PRKX: variants seen among roughly 807,000 people sequenced by gnomAD.
PRKX encodes cAMP-dependent protein kinase catalytic subunit PRKX.
Under a neutral mutation model 22.0 loss-of-function variants are expected in PRKX, and 12 were observed. The observed-to-expected ratio is 0.54, with a 90% CI of 0.35 to 0.88. The LOEUF is 0.88. PRKX is among the 40% of genes least tolerant of loss of function. The probability of loss-of-function intolerance (pLI) is 0.01; values close to 1 mark genes in which losing one functional copy is unlikely to be tolerated. For synonymous variants in PRKX, 134 were observed against 137.7 expected, an observed-to-expected ratio of 0.97 and a Z score of 0.19; for missense variants, 217 against 308.0, an observed-to-expected ratio of 0.70 and a Z score of 2.21.
At chrX:3,698,220 G>A (rs1302521338) in intron 1 of PRKX, among the ~76,000 whole-genome samples, 2 of 111,998 alleles carry the variant, frequency 1.8e-5, no homozygotes, top group Non-Finnish European at 3.8e-5. Flanking sequence ...GTACAACTAC[G>A]GATCTTGTAG....
chrX:3,608,034 A>G lies in PRKX; in HGVS notation c.*935T>C, dbSNP rs1926218724. ...GTAGCTGAGACTACACTCACGTGCC[A>G]CCATGCCCGGCTAATTTTTTTGTAT... is the stretch of plus-strand genomic sequence containing the variant. On this transcript the variant is annotated 3_prime_UTR_variant, in exon 9 of 9. Transcript: ENST00000262848. The G allele has an allele frequency of 9.3e-6, 1 of 108,010 alleles. No individual in the cohort carries two copies. Among genetic ancestry groups the G allele is most frequent in the African/African-American group, 3.4e-5 (1 of 29,511 alleles). The allele number at this position is 108,010 out of a possible 1,213,427, so 8.9% of individuals were successfully genotyped here.
At chrX:3,702,058 C>T (rs958752638) in intron 1 of PRKX, among the ~76,000 whole-genome samples, 1 of 111,948 alleles carries the variant, frequency 8.9e-6, no homozygotes, top group African/African-American at 3.3e-5. Flanking sequence ...TATGGATTTG[C>T]CTTGAATTTT....
chrX:3,655,122 T>C (rs759458952), intron 3 of PRKX, 27 bp downstream of exon 3: 1 of 1,209,779 alleles, frequency 8.3e-7, no homozygotes, highest in Non-Finnish European at 1.1e-6. Flanking sequence ...GCAGTGTAGA[T>C]TCCATCGGAG....
chrX:3,646,435 A>G (rs1258692672), intron 3 of PRKX, among the ~76,000 whole-genome samples: 1 of 111,744 alleles, frequency 8.9e-6, no homozygotes, highest in Non-Finnish European at 1.9e-5. Context: ...TGAGCATGTC[A>G]CTCAGCTAAC....
At chrX:3,656,384 A>G (rs148073395) in intron 2 of PRKX, among the ~76,000 whole-genome samples, 12,890 of 111,394 alleles carry the variant, frequency 0.12, 605 homozygotes, top group Non-Finnish European at 0.15. Context: ...AGATGTTAGA[A>G]TATGAACGTA....
At chrX:3,636,376 G>A (rs970350346) in intron 4 of PRKX, among the ~76,000 whole-genome samples, 1 of 112,870 alleles carries the variant, frequency 8.9e-6, no homozygotes, top group African/African-American at 3.2e-5. Context: ...GGTGAGGAGA[G>A]CAGCTTGGGA....
intron 1 of PRKX, among the ~76,000 whole-genome samples, chrX:3,677,998 T>C (rs1340054299): frequency 3.6e-5 from 4 of 111,926 alleles, no homozygotes; most frequent in South Asian, 3.8e-4. Context: ...GTGGACAAAA[T>C]TAGGTGGAAT....
chrX:3,633,703 C>T (rs867149968), intron 4 of PRKX, among the ~76,000 whole-genome samples: 13 of 111,583 alleles, frequency 1.2e-4, no homozygotes, highest in African/African-American at 2.9e-4. Context: ...ATACCCTGGG[C>T]GCTGTGAGCT....
intron 1 of PRKX, among the ~76,000 whole-genome samples, chrX:3,687,890 G>A (rs1928209475): frequency 8.9e-6 from 1 of 112,036 alleles, no homozygotes; most frequent in African/African-American, 3.2e-5. Flanking sequence ...GACACTCCAA[G>A]AGAGGTGGCT....
At chrX:3,629,845 G>A (rs182920297) in intron 4 of PRKX, among the ~76,000 whole-genome samples, 3 of 111,378 alleles carry the variant, frequency 2.7e-5, no homozygotes, top group African/African-American at 9.8e-5. Flanking sequence ...ATAGGGATGC[G>A]GTCTCACTAT....
At chrX:3,660,103 T>A (rs1002098079) in intron 2 of PRKX, among the ~76,000 whole-genome samples, 2 of 112,315 alleles carry the variant, frequency 1.8e-5, no homozygotes, top group African/African-American at 6.5e-5. Context: ...CTCAAATGCA[T>A]GACAGTCAAA....
intron 1 of PRKX, among the ~76,000 whole-genome samples, chrX:3,706,518 CTCTG>C: frequency 9.0e-6 from 1 of 111,498 alleles, no homozygotes; most frequent in South Asian, 3.8e-4. Flanking sequence ...GAGACAAGGT[CTCTG>C]TCACCCAGGC....
intron 8 of PRKX, among the ~76,000 whole-genome samples, 187 bp downstream of exon 8, chrX:3,611,990 T>G (rs1305114573): frequency 9.0e-6 from 1 of 110,757 alleles, no homozygotes; most frequent in Non-Finnish European, 1.9e-5. Context: ...GACGGTCACA[T>G]GCTGACCTGG....
intron 4 of PRKX, among the ~76,000 whole-genome samples, chrX:3,635,736 T>C (rs1926873843): frequency 9.0e-6 from 1 of 111,593 alleles, no homozygotes; most frequent in African/African-American, 3.3e-5. Context: ...TACAGGAACA[T>C]ACAACCACAC....
rs1926120648 is a variant in PRKX at position 3,604,585 on chromosome X, G to T, written c.*4384C>A. On this transcript the variant is annotated 3_prime_UTR_variant, in exon 9 of 9. Transcript: ENST00000262848. ...GTTCCCAGTTCTGGCTCGCCAAGGG[G>T]TGCACAAACCTGCCAAGGCACTCTG... is the stretch of plus-strand genomic sequence containing the variant. 8.9e-6 allele frequency: 1 copy of T among 112,382 alleles called. No homozygotes were observed. The highest frequency in any genetic ancestry group is 1.9e-5 in the Non-Finnish European group (1 of 53,249). The allele number at this position is 112,382 out of a possible 1,213,427, so 9.3% of individuals were successfully genotyped here. A position where few individuals can be genotyped will look rare whatever the true frequency, so the allele number is the denominator to read the frequency against.
At chrX:3,709,183 C>CAAAAAA (rs35004174) in intron 1 of PRKX, among the ~76,000 whole-genome samples, 1,007 of 47,587 alleles carry the variant, frequency 0.021, 44 homozygotes, top group African/African-American at 0.076. Context: ...GACCCTGTCT[C>CAAAAAA]AAAAAAAAAA....
chrX:3,619,670 T>C (rs1350245188), intron 6 of PRKX, among the ~76,000 whole-genome samples: 1 of 111,779 alleles, frequency 8.9e-6, no homozygotes, highest in Non-Finnish European at 1.9e-5. Flanking sequence ...GATCCTCCCC[T>C]AGAGCCTCTG....
chrX:3,689,831 G>T (rs6641854), intron 1 of PRKX, among the ~76,000 whole-genome samples: 1 of 111,471 alleles, frequency 9.0e-6, no homozygotes, highest in African/African-American at 3.3e-5. Context: ...CAAAAAATTA[G>T]CCGAGTGTGG....
At chrX:3,617,168 TAATA>T (rs1314068616) in intron 6 of PRKX, among the ~76,000 whole-genome samples, 2 of 105,760 alleles carry the variant, frequency 1.9e-5, no homozygotes, top group Non-Finnish European at 3.9e-5. Context: ...ACATACACGT[TAATA>T]TATACACATT....
Sources: gnomAD v4.1 joint callset for allele counts (sites outside exome capture counted in the v4.1 genomes callset) on GRCh38, gnomAD v4.1.1 for gene constraint, MANE v1.5 for transcripts, NCBI Gene and HGNC (gene_info 2026-07-23, HGNC 2026-07-21) for gene names.